ATP8A2: variants seen among roughly 807,000 people sequenced by gnomAD.
The protein encoded by ATP8A2 is phospholipid-transporting ATPase IB.
In ATP8A2, 100 loss-of-function variants were observed where a neutral mutation model predicts 165.6. The observed-to-expected ratio is 0.60, with a 90% CI of 0.51 to 0.71. The LOEUF (loss-of-function observed/expected upper bound fraction) is 0.71, where lower values mean the gene tolerates loss of function less well. Ranked by LOEUF, ATP8A2 falls within the 30% of genes least tolerant of loss-of-function variation. The probability of loss-of-function intolerance (pLI) is 0.00; values close to 1 mark genes in which losing one functional copy is unlikely to be tolerated. For synonymous variants in ATP8A2, 543 were observed against 548.8 expected, an observed-to-expected ratio of 0.99 and a Z score of 0.15; for missense variants, 1,227 against 1,479.5, an observed-to-expected ratio of 0.83 and a Z score of 2.80.
intron 33 of ATP8A2, among the ~76,000 whole-genome samples, chr13:25,901,928 T>G (rs1392100368): frequency 6.6e-6 from 1 of 152,246 alleles, no homozygotes; most frequent in Non-Finnish European, 1.5e-5. Context: ...ACGAATATCA[T>G]ATGTACAGCG....
intron 27 of ATP8A2, among the ~76,000 whole-genome samples, chr13:25,776,732 G>A (rs907777931): frequency 6.6e-6 from 1 of 152,148 alleles, no homozygotes; most frequent in Non-Finnish European, 1.5e-5. Flanking sequence ...ATGGACCATC[G>A]TGTAAAAGGG....
chr13:25,936,293 C>T (rs1037433560), intron 33 of ATP8A2, among the ~76,000 whole-genome samples: 2 of 152,186 alleles, frequency 1.3e-5, no homozygotes, highest in Non-Finnish European at 2.9e-5. Context: ...CTGATTCCCA[C>T]GTTGGTCAGC....
chr13:25,850,473 A>C (rs1951979140), intron 30 of ATP8A2, among the ~76,000 whole-genome samples: 1 of 117,982 alleles, frequency 8.5e-6, no homozygotes. Flanking sequence ...CTCTCAACTG[A>C]CCCCCACCCC....
chr13:25,686,777 A>T (rs2042609728), intron 24 of ATP8A2, among the ~76,000 whole-genome samples: 1 of 152,138 alleles, frequency 6.6e-6, no homozygotes, highest in African/African-American at 2.4e-5. Context: ...GGTAAGTCTC[A>T]GTCTTCTTGA....
At chr13:25,926,250 C>T (rs1329355055) in intron 33 of ATP8A2, among the ~76,000 whole-genome samples, 1 of 152,114 alleles carries the variant, frequency 6.6e-6, no homozygotes, top group African/African-American at 2.4e-5. Flanking sequence ...ATGTTCCTGG[C>T]CCTCTCCAGC....
chr13:25,429,957 G>A (rs1657189538), intron 1 of ATP8A2, among the ~76,000 whole-genome samples: 1 of 152,154 alleles, frequency 6.6e-6, no homozygotes, highest in Admixed American at 6.6e-5. Context: ...GGAGGGGTTG[G>A]GCTTTTAGAC....
chr13:25,853,022 G>A (rs1194607001), intron 30 of ATP8A2, among the ~76,000 whole-genome samples: 1 of 152,110 alleles, frequency 6.6e-6, no homozygotes, highest in Non-Finnish European at 1.5e-5. Flanking sequence ...ATTTCATGTA[G>A]TTGCTAAAGT....
At chr13:25,450,811 T>A (rs564686293) in intron 1 of ATP8A2, among the ~76,000 whole-genome samples, 8 of 151,968 alleles carry the variant, frequency 5.3e-5, no homozygotes, top group African/African-American at 1.5e-4. Flanking sequence ...GATTACAGGC[T>A]TGAGCCACCG....
At chr13:25,971,280 C>G (rs1394501069) in intron 35 of ATP8A2, among the ~76,000 whole-genome samples, 2 of 151,610 alleles carry the variant, frequency 1.3e-5, no homozygotes, top group African/African-American at 4.9e-5. Flanking sequence ...AGAGTCTATG[C>G]TGTCCTGCTT....
intron 1 of ATP8A2, among the ~76,000 whole-genome samples, chr13:25,403,257 T>G (rs1167746884): frequency 6.6e-6 from 1 of 152,156 alleles, no homozygotes; most frequent in Non-Finnish European, 1.5e-5. Flanking sequence ...TGCAGGTGCC[T>G]TGATCTTGAT....
At chr13:25,418,989 A>G (rs1002198452) in intron 1 of ATP8A2, among the ~76,000 whole-genome samples, 2 of 152,138 alleles carry the variant, frequency 1.3e-5, no homozygotes, top group African/African-American at 2.4e-5. Context: ...AAGAGGGGGA[A>G]AAAAGGAAGA....
intron 34 of ATP8A2, among the ~76,000 whole-genome samples, chr13:25,965,672 A>G (rs2139199579): frequency 1.3e-5 from 2 of 152,298 alleles, no homozygotes; most frequent in Middle Eastern, 6.8e-3. Flanking sequence ...ATCTAGGTGA[A>G]ATTTGTTAGT....
chr13:26,012,086 TG>T (rs1956860374), intron 35 of ATP8A2, among the ~76,000 whole-genome samples: 3 of 152,012 alleles, frequency 2.0e-5, no homozygotes, highest in Admixed American at 6.5e-5. Flanking sequence ...TGATGTTCAT[TG>T]GGGTTCAAAA....
intron 1 of ATP8A2, among the ~76,000 whole-genome samples, chr13:25,387,488 G>T (rs1486588166): frequency 2.6e-5 from 4 of 152,142 alleles, no homozygotes; most frequent in East Asian, 3.9e-4. Flanking sequence ...TTTAATGGTG[G>T]TCCACTTCTG....
In ATP8A2 at chr13:25,953,498, T is replaced by C. The variant is rs1955428879; in HGVS notation, c.3184-8077T>C. Among the ~76,000 whole-genome samples, 1 of 140,302 alleles carries C rather than the reference T, an allele frequency of 7.1e-6. No homozygotes were observed. The highest frequency in any genetic ancestry group is 2.2e-4 in the South Asian group (1 of 4,468). The allele number at this position is 140,302 out of a possible 152,430, so 92.0% of individuals were successfully genotyped here. On this transcript the variant is annotated intron_variant, in intron 33 of 36. Transcript: ENST00000381655. This position sits in a 1 kb window ranked among gnomAD's most constrained non-coding sequence, Gnocchi z 6.7. ...TTGGGGAACACAAACTGACCTTATG[T>C]AGCCCTGGTTACTCCAGCCTTTTTA... is the stretch of plus-strand genomic sequence containing the variant.
intron 27 of ATP8A2, among the ~76,000 whole-genome samples, chr13:25,795,159 A>G (rs992471021): frequency 8.5e-5 from 13 of 152,212 alleles, no homozygotes; most frequent in African/African-American, 2.9e-4. Flanking sequence ...GAATAGTAGC[A>G]GGGAATTTTC....
intron 36 of ATP8A2, among the ~76,000 whole-genome samples, chr13:26,016,304 A>G (rs1359258023): frequency 6.6e-6 from 1 of 152,064 alleles, no homozygotes; most frequent in Admixed American, 6.6e-5. Context: ...TGCTCTACTT[A>G]CCCTGGGAGG....
chr13:25,916,605 G>A (rs993800731), intron 33 of ATP8A2, among the ~76,000 whole-genome samples: 1 of 152,188 alleles, frequency 6.6e-6, no homozygotes, highest in Admixed American at 6.5e-5. Context: ...TTTGATGTAC[G>A]TGGTCCAGCG....
At chr13:25,827,791 G>A (rs1410616489) in intron 27 of ATP8A2, among the ~76,000 whole-genome samples, 1 of 152,210 alleles carries the variant, frequency 6.6e-6, no homozygotes, top group Non-Finnish European at 1.5e-5. Context: ...AGAAAAACAA[G>A]AGTGTGAAGC....
Sources: allele counts gnomAD v4.1 joint callset (sites outside exome capture counted in the v4.1 genomes callset), GRCh38; gene constraint gnomAD v4.1.1; non-coding constraint Gnocchi (gnomAD v3.1); transcripts MANE v1.5; gene names NCBI Gene and HGNC (gene_info 2026-07-23, HGNC 2026-07-21).